Variants in CRPPA observed in about 807,000 individuals in gnomAD.
CRPPA encodes D-ribitol-5-phosphate cytidylyltransferase.
Under a neutral mutation model 52.0 loss-of-function variants are expected in CRPPA, and 43 were observed. The observed-to-expected ratio is 0.83, with a 90% CI of 0.65 to 1.07. The LOEUF (loss-of-function observed/expected upper bound fraction) is 1.07. CRPPA is among the 50% of genes least tolerant of loss of function. The pLI, the probability that CRPPA is intolerant of heterozygous loss-of-function variation, is 0.00. For missense variants in CRPPA, 629 were observed against 551.7 expected (o/e 1.14, Z -1.40); for synonymous variants, 250 against 203.5 (o/e 1.23, Z -1.94).
At chr7:16,226,487 C>T (rs1047572907) in intron 8 of CRPPA, among the ~76,000 whole-genome samples, 1 of 151,726 alleles carries the variant, frequency 6.6e-6, no homozygotes, top group Non-Finnish European at 1.5e-5. Context: ...AGACCCAATT[C>T]AATGGTCGGC....
chr7:16,294,805 A>G (rs1784638048), intron 5 of CRPPA, among the ~76,000 whole-genome samples: 1 of 152,022 alleles, frequency 6.6e-6, no homozygotes, highest in South Asian at 2.1e-4. Flanking sequence ...TTTAACAAGA[A>G]AAAGCCTGAT....
chr7:16,421,305 C>G lies in CRPPA; in HGVS notation c.18G>C (p.Pro6=). ...CCGGCTCCGCCGGCCTGGCGCTGCCCGGCGGCCCGGCCTCCATGGCTGCGG... is the reference window on the plus strand; with the variant it reads ...CCGGCTCCGCCGGCCTGGCGCTGCCGGGCGGCCCGGCCTCCATGGCTGCGG... MEAGP[P]GSARPAEPGP... The change falls in exon 1 of 10, where the codon CCG becomes CCC. Residue 6 remains proline, a synonymous_variant. Coordinates refer to ENST00000407010, the MANE Select transcript of CRPPA (RefSeq NM_001101426.4). The G allele has an allele frequency of 7.9e-7, 1 of 1,261,342 alleles. No homozygotes were observed. The highest frequency in any genetic ancestry group is 1.0e-6 in the Non-Finnish European group (1 of 998,856). The allele number at this position is 1,261,342 out of a possible 1,614,324, so 78.1% of individuals were successfully genotyped here.
intron 4 of CRPPA, among the ~76,000 whole-genome samples, chr7:16,302,157 G>A (rs1023620308): frequency 1.3e-5 from 2 of 151,900 alleles, no homozygotes; most frequent in African/African-American, 2.4e-5. Context: ...TTAGCCAGGC[G>A]CGGTGGCGGG....
chr7:16,122,874 T>G (rs1287351534), intron 9 of CRPPA, among the ~76,000 whole-genome samples: 1 of 152,102 alleles, frequency 6.6e-6, no homozygotes. Flanking sequence ...TTACAATAAT[T>G]ATTTTCAACA....
At chr7:16,282,739 G>T (rs1392593245) in intron 5 of CRPPA, among the ~76,000 whole-genome samples, 1 of 152,000 alleles carries the variant, frequency 6.6e-6, no homozygotes, top group African/African-American at 2.4e-5. Flanking sequence ...ATGTAGATTC[G>T]AGGTAAAATA....
At chr7:16,372,067 T>C (rs1207001961) in intron 3 of CRPPA, among the ~76,000 whole-genome samples, 3 of 152,078 alleles carry the variant, frequency 2.0e-5, no homozygotes, top group Non-Finnish European at 2.9e-5. Flanking sequence ...ATTACCAACC[T>C]AAGAATAATT....
At chr7:16,209,989 G>T (rs987125896) in intron 9 of CRPPA, among the ~76,000 whole-genome samples, 1 of 152,030 alleles carries the variant, frequency 6.6e-6, no homozygotes, top group Non-Finnish European at 1.5e-5. Flanking sequence ...ATTAGAAAAT[G>T]ATATAATTGC....
chr7:16,246,451 C>A (rs1383325056), intron 8 of CRPPA, among the ~76,000 whole-genome samples: 1 of 152,154 alleles, frequency 6.6e-6, no homozygotes, highest in African/African-American at 2.4e-5. Context: ...ACGAATGTTC[C>A]TAACGGCAAC....
intron 9 of CRPPA, among the ~76,000 whole-genome samples, chr7:16,172,717 A>G (rs1033710028): frequency 4.6e-5 from 7 of 152,178 alleles, no homozygotes; most frequent in African/African-American, 1.7e-4. Flanking sequence ...TAGGTAATTG[A>G]CAAGATACTT....
chr7:16,401,276 A>C (rs934684167), intron 2 of CRPPA, among the ~76,000 whole-genome samples: 4 of 152,218 alleles, frequency 2.6e-5, no homozygotes, highest in African/African-American at 4.8e-5. Context: ...TCTTCCTCCC[A>C]GGAACCTGGA....
At chr7:16,150,801 G>A (rs929363419) in intron 9 of CRPPA, among the ~76,000 whole-genome samples, 9 of 152,170 alleles carry the variant, frequency 5.9e-5, no homozygotes, top group African/African-American at 2.2e-4. Flanking sequence ...GCCAGCAACT[G>A]GGAAGGGTCT....
chr7:16,204,037 G>C (rs191479316), intron 9 of CRPPA, among the ~76,000 whole-genome samples: 2 of 152,038 alleles, frequency 1.3e-5, no homozygotes, highest in Non-Finnish European at 2.9e-5. Context: ...TAAAAATTGC[G>C]TATCTATGTT....
At chr7:16,181,179 T>A (rs1185156370) in intron 9 of CRPPA, among the ~76,000 whole-genome samples, 1 of 151,922 alleles carries the variant, frequency 6.6e-6, no homozygotes, top group African/African-American at 2.4e-5. Context: ...AACTATACGA[T>A]TAAATAATTT....
At chr7:16,289,882 T>C (rs1562611182) in intron 5 of CRPPA, among the ~76,000 whole-genome samples, 1 of 152,058 alleles carries the variant, frequency 6.6e-6, no homozygotes, top group East Asian at 1.9e-4. Context: ...GAAATTAAAT[T>C]GCTGTTCTAT....
intron 9 of CRPPA, among the ~76,000 whole-genome samples, chr7:16,205,157 C>G (rs17169339): frequency 0.095 from 14,394 of 152,144 alleles, 1,794 homozygotes; most frequent in East Asian, 0.31. Flanking sequence ...TTCACAACAA[C>G]GGCCACATTT....
chr7:16,286,076 TATATAATA>T (rs1784436575), intron 5 of CRPPA, among the ~76,000 whole-genome samples: 2 of 18,246 alleles, frequency 1.1e-4, no homozygotes, highest in Non-Finnish European at 1.9e-4. Flanking sequence ...TATATATATA[TATATAATA>T]TTTAAAAAAA....
At chr7:16,232,359 A>G (rs1167509382) in intron 8 of CRPPA, among the ~76,000 whole-genome samples, 1 of 152,168 alleles carries the variant, frequency 6.6e-6, no homozygotes, top group Non-Finnish European at 1.5e-5. Context: ...TATCATGGGA[A>G]TGGATTAGTT....
At chr7:16,172,093 G>A (rs917633346) in intron 9 of CRPPA, among the ~76,000 whole-genome samples, 1 of 152,202 alleles carries the variant, frequency 6.6e-6, no homozygotes, top group African/African-American at 2.4e-5. Flanking sequence ...CAAGCAATGT[G>A]ACTGCTGTTC....
At chr7:16,183,274 T>G (rs1161436910) in intron 9 of CRPPA, among the ~76,000 whole-genome samples, 3 of 152,202 alleles carry the variant, frequency 2.0e-5, no homozygotes, top group South Asian at 2.1e-4. Context: ...CATGGGAAAG[T>G]GCAGGTTTCC....
Sources: allele counts gnomAD v4.1 joint callset (sites outside exome capture counted in the v4.1 genomes callset), GRCh38; gene constraint gnomAD v4.1.1; transcripts MANE v1.5; gene names NCBI Gene and HGNC (gene_info 2026-07-23, HGNC 2026-07-21).